CELF2: variants seen among roughly 807,000 people sequenced by gnomAD.
The protein encoded by CELF2 is CUGBP Elav-like family member 2.
A neutral mutation model predicts 62.6 loss-of-function variants in CELF2; 8 were observed. The ratio of observed to expected loss-of-function variants is 0.13; its 90% CI spans 0.07 to 0.23. The LOEUF (loss-of-function observed/expected upper bound fraction) is 0.23. Ranked by LOEUF, CELF2 falls within the 10% of genes least tolerant of loss-of-function variation. The pLI is 1.00. For missense variants in CELF2, 333 were observed against 671.0 expected (o/e 0.50, Z 5.56); for synonymous variants, 258 against 250.0 (o/e 1.03, Z -0.30).
At chr10:10,725,549 T>G in the CELF2 span, among the ~76,000 whole-genome samples, 3 of 152,216 alleles carry the variant, frequency 2.0e-5, no homozygotes, top group Admixed American at 6.5e-5. Flanking sequence ...AACTTGAGTT[T>G]CTACCTTGGA....
intron 9 of CELF2, among the ~76,000 whole-genome samples, chr10:11,312,163 G>A (rs1001954373): frequency 2.6e-5 from 4 of 152,064 alleles, no homozygotes; most frequent in South Asian, 2.1e-4. Flanking sequence ...TCTCAGTCTC[G>A]AATACCCAGG....
intron 9 of CELF2, among the ~76,000 whole-genome samples, chr10:11,294,139 A>G (rs899768014): frequency 1.3e-5 from 2 of 152,230 alleles, no homozygotes; most frequent in Admixed American, 6.5e-5. Context: ...GTGGCTTTCA[A>G]AATGTTCTGA....
the CELF2 span, among the ~76,000 whole-genome samples, chr10:10,622,807 A>T: frequency 6.6e-6 from 1 of 152,046 alleles, no homozygotes; most frequent in Non-Finnish European, 1.5e-5. Context: ...ATACAATTGC[A>T]GGGAAGCCGG....
At chr10:10,535,459 C>T in the CELF2 span, among the ~76,000 whole-genome samples, 1 of 152,148 alleles carries the variant, frequency 6.6e-6, no homozygotes, top group African/African-American at 2.4e-5. Context: ...GTGGCTCACA[C>T]CTGTAATCCC....
chr10:10,775,761 T>C, the CELF2 span, among the ~76,000 whole-genome samples: 3 of 152,234 alleles, frequency 2.0e-5, no homozygotes, highest in Admixed American at 2.0e-4. Context: ...GAGTGATTTA[T>C]GGTAATAAAA....
intron 9 of CELF2, among the ~76,000 whole-genome samples, chr10:11,294,004 G>T (rs1039856372): frequency 2.0e-5 from 3 of 152,110 alleles, no homozygotes; most frequent in African/African-American, 7.2e-5. Flanking sequence ...CCTGCAATTT[G>T]GTTTCACCTT....
In CELF2 at chr10:10,983,359, A is replaced by G. The variant is rs1448472315; in HGVS notation, c.89+63360A>G. Among the ~76,000 whole-genome samples the G allele has an allele frequency of 6.6e-6, 1 of 152,196 alleles. No homozygotes were observed. Among genetic ancestry groups the G allele is most frequent in the Non-Finnish European group, 1.5e-5 (1 of 68,034 alleles). The stretch of plus-strand genomic sequence containing the variant: ...GTAACCTGTATCTAAGTTGATACAT[A>G]TCTTCCCTAACCTGTTTACTTGATT... On this transcript the variant is annotated intron_variant, in intron 2 of 13. Coordinates refer to the CELF2 transcript ENST00000636488. The surrounding 1 kb of genome is among the most constrained non-coding windows in gnomAD (Gnocchi z 5.2).
rs993086781 is a variant in CELF2 at position 11,046,284 on chromosome 10, C to G, written c.74+28121C>G. Among the ~76,000 whole-genome samples the G allele has an allele frequency of 6.6e-6, 1 of 152,150 alleles. No individual in the cohort carries two copies. Among genetic ancestry groups the G allele is most frequent in the Non-Finnish European group, 1.5e-5 (1 of 68,026 alleles). On this transcript the variant is annotated intron_variant, in intron 1 of 12. Coordinates refer to ENST00000633077, the MANE Select transcript of CELF2 (RefSeq NM_001326342.2). The surrounding 1 kb of genome is among the most constrained non-coding windows in gnomAD (Gnocchi z 4.6). ...TGGGAATTTGCATCTCTAACGAGTT[C>G]CCAGGTGATTGTGATGCCCGTGTCA...
chr10:11,222,267 G>T (rs918250626), intron 3 of CELF2, among the ~76,000 whole-genome samples: 1 of 152,132 alleles, frequency 6.6e-6, no homozygotes, highest in Non-Finnish European at 1.5e-5. Context: ...TTAGTGATAG[G>T]TATTAATGCC....
At chr10:11,027,645 C>T (rs578114229) in intron 1 of CELF2, among the ~76,000 whole-genome samples, 1 of 152,250 alleles carries the variant, frequency 6.6e-6, no homozygotes, top group Admixed American at 6.5e-5. Context: ...TCGACTTGCC[C>T]TGTATGTCGT....
the CELF2 span, among the ~76,000 whole-genome samples, chr10:10,648,401 C>T: frequency 1.3e-5 from 2 of 152,220 alleles, 1 homozygote; most frequent in South Asian, 4.1e-4. Flanking sequence ...CATCCCAGTC[C>T]ATATGCCAAA....
Position 11,333,683 on chromosome 10 carries a change from GTTT to G in CELF2, c.*4633_*4635del, listed in dbSNP as rs2096070171. Reference sequence around the variant, plus strand: ...TCATTTTGTTTAGAATTACAAAATAGTTTTTAAATATTGTCTGAGAAAAGCCAA... The same window carrying G: ...TCATTTTGTTTAGAATTACAAAATAGTTAAATATTGTCTGAGAAAAGCCAA... On this transcript the variant is annotated 3_prime_UTR_variant, in exon 13 of 13. Coordinates refer to ENST00000633077, the MANE Select transcript of CELF2 (RefSeq NM_001326342.2). 2.0e-5 allele frequency: 3 copies of G among 152,530 alleles called. No individual in the cohort carries two copies. The highest frequency in any genetic ancestry group is 1.3e-4 in the Admixed American group (2 of 15,280). 9.4% of individuals were successfully genotyped at this position (152,530 alleles called of 1,614,324 possible).
At chr10:11,054,999 G>T (rs181023497) in intron 1 of CELF2, among the ~76,000 whole-genome samples, 1 of 152,204 alleles carries the variant, frequency 6.6e-6, no homozygotes, top group African/African-American at 2.4e-5. Flanking sequence ...ACAGGCTTGC[G>T]CCACCGCACC....
At chr10:11,085,770 A>G (rs561594039) in intron 1 of CELF2, among the ~76,000 whole-genome samples, 54 of 152,310 alleles carry the variant, frequency 3.5e-4, no homozygotes, top group South Asian at 8.3e-4. Context: ...CAGTTTTTAT[A>G]ATGTCATATT....
the CELF2 span, among the ~76,000 whole-genome samples, chr10:10,647,118 C>T: frequency 3.3e-5 from 5 of 152,208 alleles, no homozygotes; most frequent in African/African-American, 4.8e-5. Flanking sequence ...TCTAAGTTAA[C>T]TGCTCTGCCT....
chr10:10,875,025 C>G (rs2060993343), intron 1 of CELF2, among the ~76,000 whole-genome samples: 1 of 151,890 alleles, frequency 6.6e-6, no homozygotes, highest in African/African-American at 2.4e-5. Context: ...TAATATAGAC[C>G]CTTTGGGGGT....
At chr10:11,320,861 C>T (rs2095402591) in intron 10 of CELF2, 12 of 1,542,092 alleles carry the variant, frequency 7.8e-6, no homozygotes, top group African/African-American at 1.4e-5. Flanking sequence ...CCTAAGCTCC[C>T]AGAAGCAAAA....
At chr10:10,984,869 T>C (rs1478106929) in intron 2 of CELF2, among the ~76,000 whole-genome samples, 1 of 152,220 alleles carries the variant, frequency 6.6e-6, no homozygotes, top group Non-Finnish European at 1.5e-5. Flanking sequence ...TTTGTCCTTA[T>C]ACAGAGCACA....
chr10:11,304,885 G>T (rs1170121819), intron 9 of CELF2, among the ~76,000 whole-genome samples: 2 of 152,170 alleles, frequency 1.3e-5, no homozygotes, highest in Non-Finnish European at 2.9e-5. Flanking sequence ...CGGGTTGGCT[G>T]GGGGGTGAAC....
Sources: gnomAD v4.1 joint callset for allele counts (sites outside exome capture counted in the v4.1 genomes callset) on GRCh38, gnomAD v4.1.1 for gene constraint, Gnocchi (gnomAD v3.1) non-coding constraint, MANE v1.5 for transcripts, NCBI Gene and HGNC (gene_info 2026-07-23, HGNC 2026-07-21) for gene names.